Variants in HORMAD2 observed in about 807,000 individuals in gnomAD.
HORMAD2 encodes the protein HORMA domain-containing protein 2.
In HORMAD2, 45 loss-of-function variants were observed where a neutral mutation model predicts 38.8. That is an observed-to-expected ratio of 1.16 (90% CI 0.91 to 1.49). HORMAD2 has a LOEUF of 1.49. Among genes scored for constraint, HORMAD2 ranks in the 40% most tolerant of loss-of-function variants. The pLI is 0.00. For synonymous variants in HORMAD2, 126 were observed against 122.8 expected, an observed-to-expected ratio of 1.03 and a Z score of -0.17; for missense variants, 338 against 367.0, an observed-to-expected ratio of 0.92 and a Z score of 0.65.
chr22:30,185,812 T>C, the HORMAD2 span, among the ~76,000 whole-genome samples: 1 of 151,760 alleles, frequency 6.6e-6, no homozygotes, highest in African/African-American at 2.4e-5. Context: ...TTTCCCTTTA[T>C]AGAAGAACCT....
intron 10 of HORMAD2, among the ~76,000 whole-genome samples, chr22:30,136,192 A>G (rs1396867505): frequency 6.6e-6 from 1 of 152,238 alleles, no homozygotes; most frequent in Non-Finnish European, 1.5e-5. Flanking sequence ...GAAACATGCA[A>G]CAACATGGGT....
chr22:30,158,424 T>C (rs1363300084), intron 10 of HORMAD2, among the ~76,000 whole-genome samples: 2 of 152,194 alleles, frequency 1.3e-5, no homozygotes, highest in Non-Finnish European at 2.9e-5. Context: ...CCAGGAATTA[T>C]GAACTGTAGT....
At chr22:30,091,027 A>G (rs1284607489) in intron 1 of HORMAD2, among the ~76,000 whole-genome samples, 2 of 152,178 alleles carry the variant, frequency 1.3e-5, no homozygotes, top group Admixed American at 1.3e-4. Context: ...TTTAATAACT[A>G]CTTCTGAGAG....
At chr22:30,095,860 C>T (rs1408670658) in intron 2 of HORMAD2, among the ~76,000 whole-genome samples, 2 of 152,062 alleles carry the variant, frequency 1.3e-5, no homozygotes, top group African/African-American at 4.8e-5. Flanking sequence ...TTTTTACGAA[C>T]TTAACACATT....
downstream of HORMAD2, among the ~76,000 whole-genome samples, chr22:30,177,413 A>G (rs967371436): frequency 1.3e-5 from 2 of 152,128 alleles, no homozygotes; most frequent in African/African-American, 4.8e-5. Context: ...AGGGCAGCCT[A>G]CCAAACTGGG....
chr22:30,111,355 G>A (rs1014422474), intron 5 of HORMAD2, among the ~76,000 whole-genome samples: 8 of 151,802 alleles, frequency 5.3e-5, no homozygotes, highest in African/African-American at 9.7e-5. Context: ...GCATTGAGGC[G>A]GGCATCTGTA....
rs1019452652 is a variant in HORMAD2, at chr22:30,108,941, T to TTTCC, written c.295-2840_295-2837dup. ...CTCTCTTTCTCTCCCTCCCTCCTTC[T>TTTCC]TTCCTTCCTTCCTTCCTTTCTTCTT... On this transcript the variant is annotated intron_variant, in intron 5 of 10. Coordinates refer to ENST00000336726, the MANE Select transcript of HORMAD2 (RefSeq NM_152510.4). 1.4e-3 allele frequency among the ~76,000 whole-genome samples: 211 copies of TTTCC among 151,200 alleles called. 3 individuals carry two copies. Among genetic ancestry groups the TTTCC allele is most frequent in the Non-Finnish European group, 2.1e-4 (14 of 67,680 alleles).
At chr22:30,123,359 G>A (rs1054886452) in intron 10 of HORMAD2, among the ~76,000 whole-genome samples, 2 of 152,116 alleles carry the variant, frequency 1.3e-5, no homozygotes, top group Non-Finnish European at 2.9e-5. Flanking sequence ...TTTTGAGACA[G>A]GGTCTCGCTC....
the HORMAD2 span, among the ~76,000 whole-genome samples, chr22:30,193,463 A>G: frequency 6.6e-6 from 1 of 152,294 alleles, no homozygotes; most frequent in African/African-American, 2.4e-5. Flanking sequence ...ACCTTGTGAA[A>G]GGGGTCTGGA....
At chr22:30,109,003 TCCTCCTTCCCTC>T (rs1921423229) in intron 5 of HORMAD2, among the ~76,000 whole-genome samples, 1 of 149,794 alleles carries the variant, frequency 6.7e-6, no homozygotes, top group South Asian at 2.1e-4. Flanking sequence ...TTCTTTCCTT[TCCTCCTTCCCTC>T]CCTCCTTCCT....
At chr22:30,104,265 A>T in intron 4 of HORMAD2, 136 bp from the exon 5 acceptor site, 1 of 703,036 alleles carries the variant, frequency 1.4e-6, no homozygotes, top group Non-Finnish European at 2.5e-6. Context: ...AGTTTAAAAA[A>T]ATGATTAAAT....
chr22:30,172,828 C>T (rs1311764855), intron 10 of HORMAD2, among the ~76,000 whole-genome samples: 1 of 150,982 alleles, frequency 6.6e-6, no homozygotes, highest in Admixed American at 6.6e-5. Context: ...ATGGAGGTTG[C>T]AGTGAGCCGA....
the HORMAD2 span, among the ~76,000 whole-genome samples, chr22:30,193,736 G>A: frequency 6.6e-6 from 1 of 152,214 alleles, no homozygotes; most frequent in African/African-American, 2.4e-5. Context: ...CTTCCATAGC[G>A]ATAGGGCTTC....
At chr22:30,205,635 G>A in the HORMAD2 span, among the ~76,000 whole-genome samples, 1 of 152,194 alleles carries the variant, frequency 6.6e-6, no homozygotes, top group Non-Finnish European at 1.5e-5. Context: ...CCAGCGGTGA[G>A]GTGATGAGGT....
intron 10 of HORMAD2, among the ~76,000 whole-genome samples, chr22:30,160,520 C>A (rs1925377088): frequency 1.3e-5 from 2 of 151,992 alleles, no homozygotes; most frequent in South Asian, 4.1e-4. Context: ...TTTAGTGATG[C>A]AGTTGATTTT....
chr22:30,079,970 C>T (rs995188200), upstream of HORMAD2, among the ~76,000 whole-genome samples: 1 of 151,992 alleles, frequency 6.6e-6, no homozygotes, highest in African/African-American at 2.4e-5. Flanking sequence ...GGAGCCACCG[C>T]GCCGCACTTC....
intron 1 of HORMAD2, among the ~76,000 whole-genome samples, chr22:30,085,147 A>AG (rs1569077985): frequency 1.3e-5 from 2 of 148,386 alleles, no homozygotes; most frequent in East Asian, 3.9e-4. Context: ...CTCCGTCTCA[A>AG]AAAAAAAAAA....
chr22:30,080,582 C>A (rs1469277266), intron 1 of HORMAD2, 91 bp downstream of exon 1: 1 of 151,698 alleles, frequency 6.6e-6, no homozygotes, highest in African/African-American at 2.4e-5. Context: ...ATTTTTTTTT[C>A]TTTTCTTATT....
chr22:30,177,689 A>G (rs1011875734), downstream of HORMAD2, among the ~76,000 whole-genome samples: 1 of 145,614 alleles, frequency 6.9e-6, no homozygotes, highest in Non-Finnish European at 1.5e-5. Flanking sequence ...AGTAAAGGCT[A>G]TAGGAGATCA....
Sources: allele counts gnomAD v4.1 joint callset (sites outside exome capture counted in the v4.1 genomes callset), GRCh38; gene constraint gnomAD v4.1.1; transcripts MANE v1.5; gene names NCBI Gene and HGNC (gene_info 2026-07-23, HGNC 2026-07-21).